The following ZSCAN5A variants were observed in gnomAD, a reference collection of about 807,000 sequenced individuals.
ZSCAN5A encodes zinc finger and SCAN domain containing 5A, also known as zinc finger and SCAN domain-containing protein 5A.
ZSCAN5A carries 12 observed loss-of-function variants against 23.7 expected under a neutral mutation model. The observed-to-expected ratio is 0.51, with a 90% CI of 0.32 to 0.82. ZSCAN5A has a LOEUF of 0.82. Ranked by LOEUF, ZSCAN5A falls within the 40% of genes least tolerant of loss-of-function variation. The probability of loss-of-function intolerance (pLI) is 0.03; values close to 1 mark genes in which losing one functional copy is unlikely to be tolerated. For missense variants in ZSCAN5A, 597 were observed against 617.9 expected (o/e 0.97, Z 0.36); for synonymous variants, 257 against 239.9 (o/e 1.07, Z -0.66).
chr19:56,356,702 C>A (rs917276448), intron 2 of ZSCAN5A, among the ~76,000 whole-genome samples: 3 of 148,862 alleles, frequency 2.0e-5, no homozygotes, highest in African/African-American at 5.1e-5. Flanking sequence ...TACCCCATAT[C>A]CTTCTTTGTG....
intron 2 of ZSCAN5A, chr19:56,247,214 G>A: frequency 1.9e-6 from 1 of 516,792 alleles, no homozygotes; most frequent in East Asian, 3.8e-5. Context: ...ATCCACACTG[G>A]TGAGAAGCCC....
intron 2 of ZSCAN5A, among the ~76,000 whole-genome samples, chr19:56,274,000 G>T (rs930140459): frequency 8.5e-5 from 13 of 152,152 alleles, no homozygotes; most frequent in African/African-American, 3.1e-4. Flanking sequence ...TGAAGATGGG[G>T]ATAAGTAGAA....
chr19:56,221,638 G>A lies in ZSCAN5A; in HGVS notation c.1428C>T (p.Ala476=). ...KPYKCSKCPR[A]FSRLKLLRRH... is the part of the protein sequence containing the mutation. ...GTCTTAACAATTTCAGCCGACTGAA[G>A]GCTCTTGGACACTTGGAACATTTGT... Residue 476 remains alanine (A), a synonymous_variant, in exon 6 of 6, where the codon GCC becomes GCT. Transcript: ENST00000683990. 6.2e-7 allele frequency: 1 copy of A among 1,612,972 alleles called. No individual in the cohort carries two copies. Among genetic ancestry groups the A allele is most frequent in the Non-Finnish European group, 8.5e-7 (1 of 1,179,592 alleles).
intron 2 of ZSCAN5A, among the ~76,000 whole-genome samples, chr19:56,227,043 A>G (rs1055232645): frequency 6.6e-6 from 1 of 152,254 alleles, no homozygotes; most frequent in Non-Finnish European, 1.5e-5. Flanking sequence ...TTGGGAAGAT[A>G]TAGGTCAAAG....
At chr19:56,248,832 C>T (rs2036141670) in intron 2 of ZSCAN5A, among the ~76,000 whole-genome samples, 1 of 152,124 alleles carries the variant, frequency 6.6e-6, no homozygotes, top group South Asian at 2.1e-4. Flanking sequence ...CTCTCCCCGC[C>T]CAGCATCCCC....
At chr19:56,301,458 C>T (rs2040224831) in intron 2 of ZSCAN5A, among the ~76,000 whole-genome samples, 1 of 151,994 alleles carries the variant, frequency 6.6e-6, no homozygotes, top group Non-Finnish European at 1.5e-5. Flanking sequence ...CAGTGAGGAC[C>T]ACCAGAGGTC....
At chr19:56,349,904 T>G (rs886799375) in intron 2 of ZSCAN5A, among the ~76,000 whole-genome samples, 1 of 152,172 alleles carries the variant, frequency 6.6e-6, no homozygotes, top group East Asian at 1.9e-4. Context: ...GCAGAGAGAT[T>G]TAATTATTCA....
At chr19:56,246,924 G>A (rs1386718907) in intron 2 of ZSCAN5A, 2 of 1,599,030 alleles carry the variant, frequency 1.3e-6, no homozygotes, top group Non-Finnish European at 1.7e-6. Context: ...CCCAAGAAGG[G>A]CCTCAAGGAG....
At chr19:56,315,150 G>T (rs2041278537), upstream of ZSCAN5A, 1 of 152,268 alleles carries the variant, frequency 6.6e-6, no homozygotes, top group Non-Finnish European at 1.5e-5. Flanking sequence ...GTAGTTTAGG[G>T]TTGTTTTGCG....
At chr19:56,293,240 T>G (rs1027512286) in intron 2 of ZSCAN5A, among the ~76,000 whole-genome samples, 4 of 152,182 alleles carry the variant, frequency 2.6e-5, no homozygotes, top group African/African-American at 9.7e-5. Context: ...AGTCCCCAAG[T>G]CATCGTCCTT....
At chr19:56,322,725 C>T (rs1346240362) in intron 2 of ZSCAN5A, among the ~76,000 whole-genome samples, 2 of 152,104 alleles carry the variant, frequency 1.3e-5, no homozygotes, top group African/African-American at 4.8e-5. Context: ...TCAGGCTGCT[C>T]AAGTCCACTG....
intron 2 of ZSCAN5A, among the ~76,000 whole-genome samples, chr19:56,255,664 T>C (rs970649647): frequency 6.6e-6 from 1 of 151,782 alleles, no homozygotes; most frequent in Non-Finnish European, 1.5e-5. Context: ...CTGAGATGGG[T>C]TGAATAAACT....
At chr19:56,247,295 CG>C in intron 2 of ZSCAN5A, 1 of 304,670 alleles carries the variant, frequency 3.3e-6, no homozygotes. Flanking sequence ...AGGAGCCACA[CG>C]GGGGAGAAGC....
intron 2 of ZSCAN5A, among the ~76,000 whole-genome samples, chr19:56,239,308 C>T (rs2035226445): frequency 6.6e-6 from 1 of 152,206 alleles, no homozygotes; most frequent in African/African-American, 2.4e-5. Context: ...ATTTGTGAAT[C>T]AGTCAGCGGA....
chr19:56,319,098 T>C (rs151079083), upstream of ZSCAN5A, among the ~76,000 whole-genome samples: 157 of 152,318 alleles, frequency 1.0e-3, no homozygotes, highest in South Asian at 2.9e-3. Flanking sequence ...TATATGCAAA[T>C]GGAAAATTTT....
intron 2 of ZSCAN5A, among the ~76,000 whole-genome samples, chr19:56,267,154 A>G (rs774498642): frequency 7.2e-5 from 11 of 152,078 alleles, no homozygotes; most frequent in South Asian, 2.1e-4. Context: ...CAGCATCTCA[A>G]CCCCATCGGT....
Position 56,269,860 on chromosome 19 carries a change from T to C in ZSCAN5A, c.-128+43423A>G, listed in dbSNP as rs550374432. Among the ~76,000 whole-genome samples, 4 of 152,350 alleles carry C rather than the reference T, an allele frequency of 2.6e-5. No homozygotes were observed. In the South Asian group the frequency reaches 8.3e-4, roughly 32 times the overall value. On this transcript the variant is annotated intron_variant, in intron 2 of 5. Transcript: ENST00000683990. ...GTAGCTTTACCAAGGCTTTTCACTC[T>C]ATCAACCCATTTCAGACTTCTCAAT...
chr19:56,253,091 G>C (rs1258017034), intron 2 of ZSCAN5A, among the ~76,000 whole-genome samples: 1 of 152,152 alleles, frequency 6.6e-6, no homozygotes, highest in Non-Finnish European at 1.5e-5. Context: ...TTAGAAGCTG[G>C]GAGGCAATTG....
chr19:56,229,403 G>A (rs1420632001), intron 2 of ZSCAN5A, among the ~76,000 whole-genome samples: 1 of 152,122 alleles, frequency 6.6e-6, no homozygotes, highest in African/African-American at 2.4e-5. Context: ...CTCAATACAA[G>A]GTTCATTTTG....
Sources: allele counts gnomAD v4.1 joint callset (sites outside exome capture counted in the v4.1 genomes callset), GRCh38; gene constraint gnomAD v4.1.1; transcripts MANE v1.5; gene names NCBI Gene and HGNC (gene_info 2026-07-23, HGNC 2026-07-21).